HERC1: variants seen among roughly 807,000 people sequenced by gnomAD.
HERC1 encodes HECT and RLD domain containing E3 ubiquitin protein ligase family member 1, also known as probable E3 ubiquitin-protein ligase HERC1.
A neutral mutation model predicts 554.3 loss-of-function variants in HERC1; 160 were observed. That is an observed-to-expected ratio of 0.29 (90% confidence interval 0.25 to 0.33). HERC1 has a LOEUF of 0.33. Among genes scored for constraint, HERC1 ranks in the 10% least tolerant of loss-of-function variants. HERC1 has a pLI of 1.00. For synonymous variants in HERC1, 2,175 were observed against 2,131.7 expected (o/e 1.02, Z -0.56); for missense variants, 4,919 against 5,918.5 (o/e 0.83, Z 5.54).
chr15:63,641,724 C>T, intron 59 of HERC1, 81 bp from the exon 60 acceptor site: 1 of 1,161,686 alleles, frequency 8.6e-7, no homozygotes, highest in Non-Finnish European at 1.2e-6. Context: ...TGCGAAATTC[C>T]TTCTAGTAAC....
At chr15:63,735,069 T>C (rs2074441305) in intron 12 of HERC1, among the ~76,000 whole-genome samples, 1 of 152,142 alleles carries the variant, frequency 6.6e-6, no homozygotes, top group Non-Finnish European at 1.5e-5. Context: ...CTAACAAATA[T>C]TTAGTGTTGA....
At chr15:63,713,118 CTGT>C (rs1316260927) in intron 23 of HERC1, among the ~76,000 whole-genome samples, 1 of 152,210 alleles carries the variant, frequency 6.6e-6, no homozygotes, top group African/African-American at 2.4e-5. Flanking sequence ...TTTTTCACTG[CTGT>C]TGTTTATATA....
At chr15:63,750,159 G>A (rs1457976045) in intron 8 of HERC1, among the ~76,000 whole-genome samples, 1 of 152,108 alleles carries the variant, frequency 6.6e-6, no homozygotes, top group Non-Finnish European at 1.5e-5. Context: ...CACTATTCCG[G>A]TGAGATTTAA....
intron 75 of HERC1, 45 bp downstream of exon 75, chr15:63,616,385 A>G (rs748905335): frequency 1.9e-6 from 3 of 1,585,332 alleles, no homozygotes; most frequent in Non-Finnish European, 2.6e-6. Flanking sequence ...GTCTGTGCAT[A>G]TAGGACGTCA....
intron 42 of HERC1, 58 bp from the exon 43 acceptor site, chr15:63,664,652 C>G: frequency 6.6e-7 from 1 of 1,524,752 alleles, no homozygotes; most frequent in Non-Finnish European, 9.0e-7. Flanking sequence ...GGAAAGAAAG[C>G]ATAGGTGTAA....
intron 2 of HERC1, among the ~76,000 whole-genome samples, chr15:63,768,871 G>A (rs373751059): frequency 3.9e-5 from 6 of 152,218 alleles, no homozygotes; most frequent in African/African-American, 1.4e-4. Context: ...GCTTAGCACA[G>A]TTCCCACTAC....
At chr15:63,829,839 C>T (rs1398505430) in intron 1 of HERC1, among the ~76,000 whole-genome samples, 1 of 151,748 alleles carries the variant, frequency 6.6e-6, no homozygotes, top group African/African-American at 2.4e-5. Flanking sequence ...CCTGAAAGAG[C>T]TTCCAATGGC....
chr15:63,626,641 T>C (rs1310926161), intron 70 of HERC1, among the ~76,000 whole-genome samples: 2 of 152,168 alleles, frequency 1.3e-5, no homozygotes, highest in African/African-American at 4.8e-5. Flanking sequence ...TATAGGTGCA[T>C]GATTCATGAG....
At chr15:63,738,553 A>T (rs1027447420) in intron 12 of HERC1, among the ~76,000 whole-genome samples, 1 of 150,950 alleles carries the variant, frequency 6.6e-6, no homozygotes. Flanking sequence ...TAGTTCAAAT[A>T]AAAAAATTTT....
chr15:63,680,594 G>A lies in HERC1; in HGVS notation c.6408C>T (p.Phe2136=). The stretch of plus-strand genomic sequence containing the variant: ...CTTCCATGTCTAACACACAGGTAAT[G>A]AAATCTCCTTGAGTAAAGCTGGACA... ...LTLSSFTQGD[F]ITCVLDMEAR... The change falls in exon 35 of 78, where the codon TTC becomes TTT. Residue 2136 remains phenylalanine (F), a synonymous_variant. Transcript: ENST00000443617. This position sits in a 1 kb window ranked among gnomAD's most constrained non-coding sequence, Gnocchi z 5.8. 1 of 1,613,722 alleles carries A rather than the reference G, an allele frequency of 6.2e-7. No individual in the cohort carries two copies.
At position 63,774,744 on chromosome 15, in the gene HERC1, T is replaced by C. The variant is rs1326471286; in HGVS notation, c.880A>G (p.Ile294Val). Residue 294 changes from isoleucine (I) to valine (V), a missense_variant, in exon 2 of 78, where the codon ATC becomes GTC. Physicochemically the swap from Ile to Val is conservative, Grantham distance 29. Transcript: ENST00000443617. ...GKLLSSQEGM[I>V]SFDCFMTILM... ...ATGGTCATAAAGCAGTCAAAGCTGA[T>C]CATTCCTTCCTGGCTTGAGAGTAGT... 1 of 1,613,924 alleles carries C rather than the reference T, an allele frequency of 6.2e-7. No homozygotes were observed. The highest frequency in any genetic ancestry group is 1.3e-5 in the African/African-American group (1 of 75,048).
rs1306666972 is a variant in HERC1 at position 63,615,794 on chromosome 15, A to G, written c.14068T>C (p.Tyr4690His). 2 of 1,600,652 alleles carry G rather than the reference A, an allele frequency of 1.2e-6. No individual in the cohort carries two copies. The highest frequency in any genetic ancestry group is 1.1e-5 in the South Asian group (1 of 87,670). ...RKEYVERAIE[Y>H]RLHEMDRQVA... Reference sequence around the variant, plus strand: ...TGTCTGTCCATCTCATGAAGTCGATATTCAATGGCCCTCTCCACATATTCC... The same window carrying G: ...TGTCTGTCCATCTCATGAAGTCGATGTTCAATGGCCCTCTCCACATATTCC... The change falls in exon 76 of 78, where the codon TAT (tyrosine) becomes CAT (histidine). Residue 4690 changes from tyrosine (Y) to histidine (H), a missense_variant. Physicochemically the swap from Tyr to His is moderately conservative, Grantham distance 83 (BLOSUM62 2). Coordinates refer to ENST00000443617, the MANE Select transcript of HERC1 (RefSeq NM_003922.4).
Position 63,802,081 on chromosome 15 carries a change from G to A in HERC1, c.-26-26432C>T, listed in dbSNP as rs2077008152. Among the ~76,000 whole-genome samples, 2 of 152,164 alleles carry A rather than the reference G, an allele frequency of 1.3e-5. 1 individual carries two copies. Among genetic ancestry groups the A allele is most frequent in the South Asian group, 4.1e-4 (2 of 4,826 alleles). ...ATAAAGACTTCTCAAGGGCATTTCT[G>A]AAAGTGCAGGAGGAAGAGCCCATTT... is the stretch of plus-strand genomic sequence containing the variant. On this transcript the variant is annotated intron_variant, in intron 1 of 77. Coordinates refer to ENST00000443617, the MANE Select transcript of HERC1 (RefSeq NM_003922.4).
chr15:63,743,393 C>CT (rs1205054461), intron 12 of HERC1, among the ~76,000 whole-genome samples: 5 of 151,654 alleles, frequency 3.3e-5, no homozygotes, highest in African/African-American at 1.2e-4. Context: ...TCCCGAGTAG[C>CT]TGGGACTACA....
intron 12 of HERC1, among the ~76,000 whole-genome samples, chr15:63,737,678 C>T (rs114249214): frequency 0.02 from 3,072 of 150,696 alleles, 98 homozygotes; most frequent in African/African-American, 0.071. Context: ...CTGTGCCTGG[C>T]CAAGATAATT....
intron 1 of HERC1, among the ~76,000 whole-genome samples, chr15:63,778,099 A>G (rs1393837985): frequency 6.6e-6 from 1 of 152,242 alleles, no homozygotes; most frequent in Non-Finnish European, 1.5e-5. Flanking sequence ...CACCTGTAGC[A>G]TAACTTGAAG....
At position 63,620,985 on chromosome 15, in the gene HERC1, C is replaced by T. The variant is rs1379456397; in HGVS notation, c.13688+1830G>A. Among the ~76,000 whole-genome samples the T allele has an allele frequency of 3.3e-5, 5 of 152,104 alleles. No homozygotes were observed. In the East Asian group the frequency reaches 9.6e-4, roughly 29 times the overall value. On this transcript the variant is annotated intron_variant, in intron 74 of 77. Transcript: ENST00000443617. ...GTGCCTTTTAATTGGAGCATTTAGC[C>T]CATTTACATTTAAGGTTAGTATTGT... is the stretch of plus-strand genomic sequence containing the variant.
intron 74 of HERC1, among the ~76,000 whole-genome samples, chr15:63,622,389 C>G (rs4984304): frequency 0.81 from 121,561 of 149,222 alleles, 51,357 homozygotes; most frequent in Non-Finnish European, 0.88. Flanking sequence ...GTACAGTGGC[C>G]TGATCTCGGC....
chr15:63,756,536 T>A lies in HERC1; in HGVS notation c.1434A>T (p.Glu478Asp). 2 of 1,613,748 alleles carry A rather than the reference T, an allele frequency of 1.2e-6. No individual in the cohort carries two copies. The highest frequency in any genetic ancestry group is 1.7e-6 in the Non-Finnish European group (2 of 1,179,608). ...AATCACCATCTCCCCAACTGAAGACTTCTCCTTCTGTCGTAAAGGCTAAAG... is the reference window on the plus strand; with the variant it reads ...AATCACCATCTCCCCAACTGAAGACATCTCCTTCTGTCGTAAAGGCTAAAG... ...GHTLAFTTEG[E>D]VFSWGDGDYG... is the part of the protein sequence containing the mutation. Residue 478 changes from glutamate to aspartate, a missense_variant, in exon 5 of 78, where the codon GAA becomes GAT. Glu to Asp is a conservative substitution (Grantham distance 45). This residue lies in a region of HERC1 where 744 missense variants were observed against 1,090.0 expected (regional missense o/e 0.68). Transcript: ENST00000443617. This position sits in a 1 kb window ranked among gnomAD's most constrained non-coding sequence, Gnocchi z 5.0.
Sources: allele counts gnomAD v4.1 joint callset (sites outside exome capture counted in the v4.1 genomes callset), GRCh38; gene constraint gnomAD v4.1.1; regional missense constraint gnomAD v4.1.1; non-coding constraint Gnocchi (gnomAD v3.1); transcripts MANE v1.5; gene names NCBI Gene and HGNC (gene_info 2026-07-23, HGNC 2026-07-21).